The following TMEM272 variants were observed in gnomAD, a reference collection of about 807,000 sequenced individuals.
TMEM272 encodes the protein long intergenic non-protein coding RNA 282.
TMEM272 carries 8 observed loss-of-function variants against 3.7 expected under a neutral mutation model. The observed-to-expected ratio is 2.17, with a 90% CI of 1.27 to 3.91. TMEM272 has a LOEUF of 3.91. TMEM272 is among the 30% of genes most tolerant of loss of function. The probability of loss-of-function intolerance (pLI) is 0.00; values close to 1 mark genes in which losing one functional copy is unlikely to be tolerated. For synonymous variants in TMEM272, 63 were observed against 39.8 expected (o/e 1.58, Z -2.20); for missense variants, 166 against 91.5 (o/e 1.81, Z -3.32).
chr13:51,904,040 T>G, the TMEM272 span, among the ~76,000 whole-genome samples: 1 of 150,624 alleles, frequency 6.6e-6, no homozygotes, highest in African/African-American at 2.4e-5. Context: ...ACATTCACAC[T>G]GGACAAGTGA....
At chr13:51,817,237 GT>G in intron 4 of TMEM272, 124 bp from the exon 5 acceptor site, 1 of 592,674 alleles carries the variant, frequency 1.7e-6, no homozygotes, top group South Asian at 2.1e-5. Flanking sequence ...AGAGGAAGGT[GT>G]TATGAAAAGT....
At chr13:51,858,941 C>T in the TMEM272 span, among the ~76,000 whole-genome samples, 5 of 152,028 alleles carry the variant, frequency 3.3e-5, no homozygotes, top group Admixed American at 2.0e-4. Flanking sequence ...TTGGCTGTTT[C>T]GGAAACTGAT....
chr13:51,871,889 C>G, the TMEM272 span, among the ~76,000 whole-genome samples: 1 of 151,258 alleles, frequency 6.6e-6, no homozygotes, highest in Non-Finnish European at 1.5e-5. Flanking sequence ...CCTCACTCAG[C>G]TCCCAGAATG....
the TMEM272 span, among the ~76,000 whole-genome samples, chr13:51,924,756 C>A: frequency 1.3e-5 from 2 of 152,200 alleles, no homozygotes; most frequent in Non-Finnish European, 2.9e-5. Context: ...ACCCCCACTG[C>A]ATACAACAAT....
At chr13:51,926,033 T>C in the TMEM272 span, among the ~76,000 whole-genome samples, 1 of 152,032 alleles carries the variant, frequency 6.6e-6, no homozygotes, top group African/African-American at 2.4e-5. Context: ...GAGGTGCATG[T>C]GGTATGTGGT....
chr13:51,899,773 G>A, the TMEM272 span, among the ~76,000 whole-genome samples: 3 of 152,164 alleles, frequency 2.0e-5, no homozygotes, highest in Non-Finnish European at 4.4e-5. Context: ...AAGACCGCAT[G>A]GCACTAGAAA....
intron 4 of TMEM272, among the ~76,000 whole-genome samples, chr13:51,821,306 T>C (rs76154609): frequency 0.017 from 2,619 of 152,288 alleles, 76 homozygotes; most frequent in African/African-American, 0.06. Flanking sequence ...GAGTTGTTGA[T>C]AGACAGAGGC....
chr13:51,897,222 C>T, the TMEM272 span, among the ~76,000 whole-genome samples: 1 of 152,004 alleles, frequency 6.6e-6, no homozygotes, highest in Non-Finnish European at 1.5e-5. Context: ...AAGACATTGT[C>T]TTTTTTTTAT....
the TMEM272 span, among the ~76,000 whole-genome samples, chr13:51,852,385 T>C: frequency 2.0e-5 from 3 of 152,226 alleles, no homozygotes; most frequent in East Asian, 5.8e-4. Context: ...AAACGGGCAC[T>C]GTGGATATAG....
chr13:51,908,908 C>A, the TMEM272 span: 3 of 1,406,260 alleles, frequency 2.1e-6, no homozygotes, highest in Non-Finnish European at 3.0e-6. Context: ...CTTGATTCTC[C>A]TCTTTCCTTG....
At chr13:51,871,202 T>TC in the TMEM272 span, among the ~76,000 whole-genome samples, 3 of 151,224 alleles carry the variant, frequency 2.0e-5, no homozygotes, top group East Asian at 5.8e-4. Context: ...CTTTTTTTTT[T>TC]TTTTTTGAGA....
chr13:51,865,874 G>A, the TMEM272 span: 1 of 1,613,606 alleles, frequency 6.2e-7, no homozygotes, highest in Non-Finnish European at 8.5e-7. Flanking sequence ...CCTGTGGGTA[G>A]AGGAAAGAGC....
chr13:51,856,974 G>A, the TMEM272 span, among the ~76,000 whole-genome samples: 1 of 152,174 alleles, frequency 6.6e-6, no homozygotes, highest in African/African-American at 2.4e-5. Flanking sequence ...TTGGATTTCA[G>A]TGTTGTGTAG....
chr13:51,921,576 C>T, the TMEM272 span: 53,282 of 152,174 alleles, frequency 0.35, 10,531 homozygotes, highest in African/African-American at 0.54. Flanking sequence ...GCACACCAGG[C>T]ACCCTCTTCC....
the TMEM272 span, among the ~76,000 whole-genome samples, chr13:51,893,323 C>T: frequency 6.6e-6 from 1 of 152,190 alleles, no homozygotes; most frequent in African/African-American, 2.4e-5. Flanking sequence ...GCATCAAAAG[C>T]TCTGTCTCCC....
At chr13:51,871,785 TACACACACACAC>T in the TMEM272 span, among the ~76,000 whole-genome samples, 10,671 of 129,626 alleles carry the variant, frequency 0.082, 467 homozygotes, top group Non-Finnish European at 0.11. Context: ...AATCTCCCCC[TACACACACACAC>T]ACACACACAC....
the TMEM272 span, among the ~76,000 whole-genome samples, chr13:51,858,947 C>G: frequency 1.3e-5 from 2 of 152,100 alleles, no homozygotes; most frequent in Non-Finnish European, 2.9e-5. Context: ...GTTTCGGAAA[C>G]TGATGGTCTT....
At chr13:51,909,781 G>A in the TMEM272 span, 2 of 1,580,912 alleles carry the variant, frequency 1.3e-6, no homozygotes, top group Non-Finnish European at 1.7e-6. Flanking sequence ...TCTTCTTCCA[G>A]CACAGCAGCC....
At chr13:51,842,631 T>C (rs116733922) in intron 1 of TMEM272, among the ~76,000 whole-genome samples, 2,070 of 152,294 alleles carry the variant, frequency 0.014, 53 homozygotes, top group African/African-American at 0.047. Context: ...ATTTTGGAGC[T>C]TTTAAGTATA....
Sources: gnomAD v4.1 joint callset for allele counts (sites outside exome capture counted in the v4.1 genomes callset) on GRCh38, gnomAD v4.1.1 for gene constraint, MANE v1.5 for transcripts, NCBI Gene and HGNC (gene_info 2026-07-23, HGNC 2026-07-21) for gene names.